Variants in CNTN4 observed in about 807,000 individuals in gnomAD.
The protein encoded by CNTN4 is contactin-4.
CNTN4 carries 77 observed loss-of-function variants against 122.5 expected under a neutral mutation model. That is an observed-to-expected ratio of 0.63 (90% CI 0.52 to 0.76). The LOEUF (loss-of-function observed/expected upper bound fraction) is 0.76, where lower values mean the gene tolerates loss of function less well. Among genes scored for constraint, CNTN4 ranks in the 30% least tolerant of loss-of-function variants. The pLI is 0.00. For synonymous variants in CNTN4, 512 were observed against 447.0 expected, an observed-to-expected ratio of 1.15 and a Z score of -1.83; for missense variants, 1,256 against 1,259.1, an observed-to-expected ratio of 1.00 and a Z score of 0.04.
intron 3 of CNTN4, among the ~76,000 whole-genome samples, chr3:2,431,680 C>G (rs2048078293): frequency 6.6e-6 from 1 of 152,136 alleles, no homozygotes; most frequent in East Asian, 1.9e-4. Context: ...AAGAAACATG[C>G]TGGCCCTGAC....
intron 16 of CNTN4, among the ~76,000 whole-genome samples, chr3:3,032,625 G>A (rs1291502578): frequency 6.6e-6 from 1 of 152,148 alleles, no homozygotes; most frequent in East Asian, 1.9e-4. Context: ...GAAACGTATA[G>A]CAGCTTTGAG....
chr3:2,785,031 G>C (rs1375261757), intron 6 of CNTN4, among the ~76,000 whole-genome samples: 2 of 151,838 alleles, frequency 1.3e-5, no homozygotes, highest in Non-Finnish European at 2.9e-5. Context: ...ACCCCCTGCA[G>C]TCTTATTTAT....
chr3:2,626,954 C>G (rs780393623), intron 4 of CNTN4, among the ~76,000 whole-genome samples: 10 of 152,168 alleles, frequency 6.6e-5, no homozygotes, highest in Non-Finnish European at 1.5e-4. Flanking sequence ...ATTTTATAAT[C>G]TTAGTATTTT....
At chr3:2,440,365 A>G (rs1278768968) in intron 3 of CNTN4, among the ~76,000 whole-genome samples, 28 of 152,148 alleles carry the variant, frequency 1.8e-4, no homozygotes, top group Non-Finnish European at 1.5e-5. Context: ...AAAATCCCTC[A>G]TATGTCTTTA....
intron 17 of CNTN4, among the ~76,000 whole-genome samples, chr3:3,035,714 A>AC (rs1699542769): frequency 2.0e-5 from 3 of 151,992 alleles, no homozygotes; most frequent in African/African-American, 7.3e-5. Flanking sequence ...AGGCCCCCAC[A>AC]CCCAGCTAAT....
At chr3:2,910,169 T>G (rs2094284537) in intron 12 of CNTN4, among the ~76,000 whole-genome samples, 1 of 152,228 alleles carries the variant, frequency 6.6e-6, no homozygotes, top group African/African-American at 2.4e-5. Flanking sequence ...GGCATGACTC[T>G]GGTAGTTAAA....
intron 3 of CNTN4, among the ~76,000 whole-genome samples, chr3:2,414,223 T>C (rs1189166746): frequency 6.6e-6 from 1 of 152,218 alleles, no homozygotes; most frequent in Non-Finnish European, 1.5e-5. Flanking sequence ...ACTTGAATTA[T>C]TTATGTAAGT....
chr3:2,265,829 A>G (rs973939854), intron 2 of CNTN4, among the ~76,000 whole-genome samples: 6 of 150,596 alleles, frequency 4.0e-5, no homozygotes, highest in African/African-American at 1.2e-4. Flanking sequence ...TTTTGTAGCT[A>G]TTGTAAATAG....
At chr3:2,153,656 T>C (rs1340213617) in intron 2 of CNTN4, among the ~76,000 whole-genome samples, 1 of 151,580 alleles carries the variant, frequency 6.6e-6, no homozygotes, top group Non-Finnish European at 1.5e-5. Context: ...GTGTACTTTA[T>C]TCTGAGCGGG....
chr3:2,263,679 ATTG>A (rs1481175941), intron 2 of CNTN4, among the ~76,000 whole-genome samples: 1 of 151,886 alleles, frequency 6.6e-6, no homozygotes, highest in African/African-American at 2.4e-5. Context: ...ACAATAAATT[ATTG>A]TTAATTATAA....
chr3:2,554,136 A>G (rs1042980859), intron 3 of CNTN4, among the ~76,000 whole-genome samples: 3 of 152,184 alleles, frequency 2.0e-5, no homozygotes, highest in Admixed American at 6.6e-5. Flanking sequence ...GTATTTTAGG[A>G]TACCAGTATG....
chr3:2,838,058 AGACAGAGAATGCTGTTCT>A (rs2093267349), intron 7 of CNTN4, among the ~76,000 whole-genome samples: 1 of 152,228 alleles, frequency 6.6e-6, no homozygotes. Flanking sequence ...TGTTACAGGA[AGACAGAGAATGCTGTTCT>A]GTCAGTTTTG....
intron 4 of CNTN4, among the ~76,000 whole-genome samples, chr3:2,611,311 AAG>A (rs1356736120): frequency 8.2e-5 from 11 of 134,798 alleles, no homozygotes; most frequent in Admixed American, 1.5e-4. Context: ...AAAAAAAAAA[AAG>A]AAAGAAAGAA....
chr3:2,265,559 G>A (rs1034687049), intron 2 of CNTN4, among the ~76,000 whole-genome samples: 7 of 152,000 alleles, frequency 4.6e-5, no homozygotes, highest in African/African-American at 1.7e-4. Context: ...GGTCTTTTGC[G>A]ATTCTATAGA....
intron 13 of CNTN4, among the ~76,000 whole-genome samples, chr3:2,953,502 A>C (rs1232036458): frequency 2.0e-5 from 3 of 150,728 alleles, no homozygotes; most frequent in Non-Finnish European, 3.0e-5. Context: ...TCCATTCTAC[A>C]ACTTCTAAAC....
At chr3:2,796,981 C>T (rs527415527) in intron 6 of CNTN4, among the ~76,000 whole-genome samples, 1 of 152,196 alleles carries the variant, frequency 6.6e-6, no homozygotes, top group Non-Finnish European at 1.5e-5. Context: ...GTGAATTCTG[C>T]TCCTGCCCAA....
rs1474104795 is a variant in CNTN4 at position 2,437,061 on chromosome 3, AT to A, written c.-89+97830del. Reference sequence around the variant, plus strand: ...GATAAAATGTTTACTTTGTGTATAGATTGCTTGAGACAGATTGTGTTAAGTG... The same window carrying A: ...GATAAAATGTTTACTTTGTGTATAGATGCTTGAGACAGATTGTGTTAAGTG... On this transcript the variant is annotated intron_variant, in intron 3 of 24. Coordinates refer to ENST00000418658, the MANE Select transcript of CNTN4 (RefSeq NM_175607.3). Among the ~76,000 whole-genome samples, 11 of 152,016 alleles carry A rather than the reference AT, an allele frequency of 7.2e-5. No homozygotes were observed. In the South Asian group the frequency reaches 2.3e-3, roughly 32 times the overall value.
intron 4 of CNTN4, among the ~76,000 whole-genome samples, chr3:2,702,908 G>A (rs1188118838): frequency 6.6e-6 from 1 of 152,192 alleles, no homozygotes; most frequent in Non-Finnish European, 1.5e-5. Context: ...CAAAGGAAAT[G>A]TGGTACCAAA....
At position 2,617,342 on chromosome 3, in the gene CNTN4, C is replaced by T. The variant is rs867614029; in HGVS notation, c.55+45784C>T. Among the ~76,000 whole-genome samples the T allele has an allele frequency of 5.9e-5, 9 of 151,442 alleles. No homozygotes were observed. The Middle Eastern group carries it at 0.021, about 346-fold the overall frequency. ...AGTGAGCAAAGGATATGAACAGACA[C>T]TTCTCAAAAGAAGACATTTATGTAG... On this transcript the variant is annotated intron_variant, in intron 4 of 24. Coordinates refer to ENST00000418658, the MANE Select transcript of CNTN4 (RefSeq NM_175607.3).
Sources: gnomAD v4.1 joint callset for allele counts (sites outside exome capture counted in the v4.1 genomes callset) on GRCh38, gnomAD v4.1.1 for gene constraint, MANE v1.5 for transcripts, NCBI Gene and HGNC (gene_info 2026-07-23, HGNC 2026-07-21) for gene names.